Variants in CDK20 observed in about 807,000 individuals in gnomAD.
CDK20 encodes the protein cyclin-dependent kinase 20.
In CDK20, 40 loss-of-function variants were observed where a neutral mutation model predicts 38.6. The ratio of observed to expected loss-of-function variants is 1.04; its 90% CI spans 0.81 to 1.35. The LOEUF (loss-of-function observed/expected upper bound fraction) is 1.35, where lower values mean the gene tolerates loss of function less well. Ranked by LOEUF, CDK20 falls within the 40% of genes most tolerant of loss-of-function variation. The pLI is 0.00. For synonymous variants in CDK20, 209 were observed against 185.7 expected (o/e 1.13, Z -1.02); for missense variants, 512 against 452.6 (o/e 1.13, Z -1.19).
chr9:87,974,253 A>G, intron 1 of CDK20, 119 bp downstream of exon 1: 1 of 1,232,112 alleles, frequency 8.1e-7, no homozygotes, highest in Non-Finnish European at 1.1e-6. Flanking sequence ...GGTTTAGAAT[A>G]TGAGTAGGTT....
At chr9:87,971,996 G>A (rs971027774) in intron 2 of CDK20, among the ~76,000 whole-genome samples, 3 of 152,166 alleles carry the variant, frequency 2.0e-5, no homozygotes, top group African/African-American at 7.2e-5. Context: ...TTGAACCCAG[G>A]TGTTTGAGAC....
chr9:87,971,345 G>C lies in CDK20; in HGVS notation c.190-10C>G, dbSNP rs775554830. The stretch of plus-strand genomic sequence containing the variant: ...CCTTCAGTTGTACCACCTGTGGGCA[G>C]GACATCTTGTTAGCCCCCAGACTCA... On this transcript the variant is annotated splice_polypyrimidine_tract_variant and intron_variant, in intron 2 of 7. Transcript: ENST00000325303. 1.5e-5 allele frequency: 24 copies of C among 1,605,136 alleles called. No individual in the cohort carries two copies. Among genetic ancestry groups the C allele is most frequent in the Non-Finnish European group, 2.0e-5 (24 of 1,175,146 alleles).
intron 1 of CDK20, 125 bp from the exon 2 acceptor site, chr9:87,974,160 G>T: frequency 6.6e-7 from 1 of 1,522,196 alleles, no homozygotes; most frequent in Non-Finnish European, 8.9e-7. Flanking sequence ...CCCTCCTCGG[G>T]GGTCTAGGAC....
chr9:87,973,372 CTG>C (rs1031595626), intron 2 of CDK20, among the ~76,000 whole-genome samples: 2 of 152,192 alleles, frequency 1.3e-5, no homozygotes, highest in African/African-American at 4.8e-5. Flanking sequence ...GCTGGTTTCT[CTG>C]TGTCACCAGT....
Position 87,974,529 on chromosome 9 carries a change from C to T in CDK20, c.-83G>A. On this transcript the variant is annotated 5_prime_UTR_variant, in exon 1 of 8. Transcript: ENST00000325303. ...CCTCCACCCCACGCTGATCTGAGCT[C>T]GCACGCTGTTGCCTAGCAACAGCGC... 7.7e-7 allele frequency: 1 copy of T among 1,295,510 alleles called. No homozygotes were observed. Among genetic ancestry groups the T allele is most frequent in the Non-Finnish European group, 1.0e-6 (1 of 955,784 alleles). 80.3% of individuals were successfully genotyped at this position (1,295,510 alleles called of 1,614,324 possible).
intron 7 of CDK20, 146 bp from the exon 8 acceptor site, chr9:87,967,805 C>G (rs1230867263): frequency 3.0e-6 from 2 of 669,548 alleles, no homozygotes; most frequent in Non-Finnish European, 4.9e-6. Context: ...AAGCACTATT[C>G]CAGAAGCTGG....
chr9:87,969,324 T>G lies in CDK20; in HGVS notation c.713A>C (p.Asn238Thr). The G allele has an allele frequency of 1.2e-6, 2 of 1,613,970 alleles. No homozygotes were observed. The highest frequency in any genetic ancestry group is 1.7e-6 in the Non-Finnish European group (2 of 1,179,948). ...WPELTELPDY[N>T]KISFKEQVPM... Reference sequence around the variant, plus strand: ...CACCTGCTCCTTAAAGGAGATCTTGTTGTAGTCCGGCAGCTCAGTGAGCTC... The same window carrying G: ...CACCTGCTCCTTAAAGGAGATCTTGGTGTAGTCCGGCAGCTCAGTGAGCTC... Residue 238 changes from asparagine to threonine, a missense_variant, in exon 7 of 8, where the codon AAC (asparagine) becomes ACC (threonine). Asn to Thr is a moderately conservative substitution (Grantham distance 65). Coordinates refer to ENST00000325303, the MANE Select transcript of CDK20 (RefSeq NM_001039803.3).
rs752561316 is a variant in CDK20 at position 87,969,352 on chromosome 9, G to C, written c.688-3C>G. ...TAGTCCGGCAGCTCAGTGAGCTCCT[G>C]GGCCAGGGAGAAGGAACAGGGTACA... On this transcript the variant is annotated splice_region_variant and splice_polypyrimidine_tract_variant and intron_variant, in intron 6 of 7. Coordinates refer to ENST00000325303, the MANE Select transcript of CDK20 (RefSeq NM_001039803.3). 9 of 1,613,716 alleles carry C rather than the reference G, an allele frequency of 5.6e-6. No homozygotes were observed. In the South Asian group the frequency reaches 8.8e-5, roughly 16 times the overall value.
At position 87,967,572 on chromosome 9, in the gene CDK20, G is replaced by T; in HGVS notation, c.931C>A (p.Pro311Thr). 6.5e-7 allele frequency: 1 copy of T among 1,549,136 alleles called. No homozygotes were observed. The highest frequency in any genetic ancestry group is 8.7e-7 in the Non-Finnish European group (1 of 1,145,484). The change falls in exon 8 of 8, where the codon CCC (proline) becomes ACC (threonine). Residue 311 changes from proline (P) to threonine (T), a missense_variant. Pro to Thr is a conservative substitution (Grantham distance 38). Transcript: ENST00000325303. ...PIPQRLGGPAPKAHPGPPHIH... is the reference protein window; with the variant it reads ...PIPQRLGGPATKAHPGPPHIH... ...TGGGGGGGCCCTGGATGGGCCTTGGGGGCAGGTCCCCCTAGACGCTGAGGA... is the reference window on the plus strand; with the variant it reads ...TGGGGGGGCCCTGGATGGGCCTTGGTGGCAGGTCCCCCTAGACGCTGAGGA...
chr9:87,970,226 A>C, intron 5 of CDK20: 1 of 442,884 alleles, frequency 2.3e-6, no homozygotes. Context: ...AAACAAGCTC[A>C]GAGCTTTCAT....
At position 87,970,860 on chromosome 9, in the gene CDK20, C is replaced by T. The variant is rs758110676; in HGVS notation, c.416G>A (p.Gly139Asp). Residue 139 changes from glycine (G) to aspartate (D), a missense_variant, in exon 4 of 8, where the codon GGC becomes GAC. Coordinates refer to ENST00000325303, the MANE Select transcript of CDK20 (RefSeq NM_001039803.3). ...KPANLLISAS[G>D]QLKIADFGLA... is the part of the protein sequence containing the mutation. ...GCCAAAGTCCGCTATCTTGAGCTGG[C>T]CTGAGGCGCTGATGAGCAGGTTGGC... 6.2e-7 allele frequency: 1 copy of T among 1,614,182 alleles called. No individual in the cohort carries two copies. The highest frequency in any genetic ancestry group is 2.2e-5 in the East Asian group (1 of 44,868).
At chr9:87,970,316 C>T (rs1326851453) in intron 5 of CDK20, 9 of 529,460 alleles carry the variant, frequency 1.7e-5, no homozygotes, top group Non-Finnish European at 2.3e-5. Context: ...GCTCAGACCA[C>T]CTCCCCATCT....
Position 87,974,524 on chromosome 9 carries a change from G to T in CDK20, c.-78C>A, listed in dbSNP as rs921574463. 7.5e-7 allele frequency: 1 copy of T among 1,326,316 alleles called. No homozygotes were observed. Among genetic ancestry groups the T allele is most frequent in the Middle Eastern group, 1.9e-4 (1 of 5,276 alleles). The allele number at this position is 1,326,316 out of a possible 1,614,324, so 82.2% of individuals were successfully genotyped here. On this transcript the variant is annotated 5_prime_UTR_variant, in exon 1 of 8. Transcript: ENST00000325303. ...CTTCTCCTCCACCCCACGCTGATCT[G>T]AGCTCGCACGCTGTTGCCTAGCAAC...
chr9:87,969,400 G>C, intron 6 of CDK20, 51 bp from the exon 7 acceptor site: 1 of 1,586,270 alleles, frequency 6.3e-7, no homozygotes, highest in South Asian at 1.1e-5. Flanking sequence ...CCCGACCCTT[G>C]CCATGCTCTC....
rs1283919823 is a variant in CDK20, at chr9:87,966,638, T to G, written c.*824A>C. 6.0e-6 allele frequency: 1 copy of G among 167,792 alleles called. No individual in the cohort carries two copies. The highest frequency in any genetic ancestry group is 1.3e-5 in the Non-Finnish European group (1 of 76,254). The allele number at this position is 167,792 out of a possible 1,614,324, so 10.4% of individuals were successfully genotyped here. A position where few individuals can be genotyped will look rare whatever the true frequency, so the allele number is the denominator to read the frequency against. ...GGATTATATTGGGATTTATTAAATT[T>G]ATAAATTAATTCCAGGAACGCTTGT... On this transcript the variant is annotated 3_prime_UTR_variant, in exon 8 of 8. Transcript: ENST00000325303.
At chr9:87,968,916 C>T (rs1829641111) in intron 7 of CDK20, 1 of 455,298 alleles carries the variant, frequency 2.2e-6, no homozygotes, top group Non-Finnish European at 4.0e-6. Context: ...GCCCAGAAAC[C>T]TGCACTCCCG....
Position 87,970,794 on chromosome 9 carries a change from G to A in CDK20, c.482C>T (p.Thr161Ile), listed in dbSNP as rs1437223296. 2 of 1,614,088 alleles carry A rather than the reference G, an allele frequency of 1.2e-6. No individual in the cohort carries two copies. The highest frequency in any genetic ancestry group is 1.7e-6 in the Non-Finnish European group (2 of 1,180,062). Residue 161 changes from threonine to isoleucine, a missense_variant, in exon 4 of 8, where the codon ACA becomes ATA. Transcript: ENST00000325303. ...TCCCTACCTGGTGGCCACCTGGTGT[G>A]TGTAGAGGCGGCTGCCGTCTGGGGA... ...VFSPDGSRLY[T>I]HQVATRWYRA...
chr9:87,974,258 T>G, intron 1 of CDK20, 114 bp downstream of exon 1: 1 of 1,244,828 alleles, frequency 8.0e-7, no homozygotes, highest in Non-Finnish European at 1.1e-6. Context: ...AGAATATGAG[T>G]AGGTTTTAAA....
intron 7 of CDK20, chr9:87,968,492 T>A (rs1829597275): frequency 1.3e-5 from 2 of 152,470 alleles, no homozygotes; most frequent in Admixed American, 6.5e-5. Flanking sequence ...CCCTGACACC[T>A]GTCAGCCCAT....
Sources: gnomAD v4.1 joint callset for allele counts (sites outside exome capture counted in the v4.1 genomes callset) on GRCh38, gnomAD v4.1.1 for gene constraint, MANE v1.5 for transcripts, NCBI Gene and HGNC (gene_info 2026-07-23, HGNC 2026-07-21) for gene names.